Variants in LRCH2 observed in about 807,000 individuals in gnomAD.
LRCH2 encodes leucine rich repeats and calponin homology domain containing 2.
A neutral mutation model predicts 68.9 loss-of-function variants in LRCH2; 38 were observed. The observed-to-expected ratio is 0.55, with a 90% CI of 0.43 to 0.72. The LOEUF (loss-of-function observed/expected upper bound fraction) is 0.72. LRCH2 is among the 30% of genes least tolerant of loss of function. The pLI is 0.00. For missense variants in LRCH2, 528 were observed against 572.9 expected, an observed-to-expected ratio of 0.92 and a Z score of 0.80; for synonymous variants, 191 against 208.1, an observed-to-expected ratio of 0.92 and a Z score of 0.71.
intron 20 of LRCH2, among the ~76,000 whole-genome samples, chrX:115,117,415 A>G (rs2072092111): frequency 9.0e-6 from 1 of 111,709 alleles, no homozygotes; most frequent in Non-Finnish European, 1.9e-5. Context: ...GCACTTCCAT[A>G]TGTTCCAGTT....
intron 1 of LRCH2, among the ~76,000 whole-genome samples, chrX:115,219,741 T>C (rs1022628713): frequency 7.2e-5 from 8 of 111,834 alleles, no homozygotes; most frequent in Admixed American, 2.8e-4. Context: ...AAAATGAAAA[T>C]AGGAGATAAT....
intron 1 of LRCH2, among the ~76,000 whole-genome samples, chrX:115,220,494 C>T (rs1359476914): frequency 9.0e-6 from 1 of 111,691 alleles, no homozygotes; most frequent in South Asian, 3.8e-4. Flanking sequence ...TGATAAACTT[C>T]GTAACTGAAA....
At chrX:115,221,896 T>C (rs1569517901) in intron 1 of LRCH2, among the ~76,000 whole-genome samples, 3 of 89,573 alleles carry the variant, frequency 3.3e-5, no homozygotes, top group Non-Finnish European at 6.7e-5. Context: ...AAAGAATCAA[T>C]AGGAGTTCAC....
At chrX:115,225,747 A>G (rs976819633) in intron 1 of LRCH2, among the ~76,000 whole-genome samples, 1 of 112,025 alleles carries the variant, frequency 8.9e-6, no homozygotes, top group South Asian at 3.7e-4. Flanking sequence ...TATTTTTTAA[A>G]AAAGGACAAC....
intron 12 of LRCH2, among the ~76,000 whole-genome samples, chrX:115,155,834 G>A (rs1327209805): frequency 9.0e-6 from 1 of 111,672 alleles, no homozygotes; most frequent in Non-Finnish European, 1.9e-5. Context: ...TGGTGCCAGT[G>A]GGGGAATGTA....
At chrX:115,216,203 G>C (rs1347911284) in intron 1 of LRCH2, among the ~76,000 whole-genome samples, 2 of 111,523 alleles carry the variant, frequency 1.8e-5, no homozygotes, top group Non-Finnish European at 3.8e-5. Flanking sequence ...AATAACTAGA[G>C]TATTTAAAAT....
chrX:115,145,767 T>C (rs143597501), intron 14 of LRCH2, among the ~76,000 whole-genome samples: 1 of 111,524 alleles, frequency 9.0e-6, no homozygotes, highest in African/African-American at 3.3e-5. Context: ...TAAAGTGGCT[T>C]ATATCCAAAA....
Position 115,179,554 on chromosome X carries a change from T to C in LRCH2, c.737A>G (p.Asp246Gly). Residue 246 changes from aspartate (D) to glycine (G), a missense_variant, in exon 5 of 21, where the codon GAC (aspartate) becomes GGC (glycine). Transcript: ENST00000317135. ...GAAATCCAGCTTGACTAAGGGAAGG[T>C]CTCCTAATTCTGGTCAGAAATGAAA... ...NLHVLPDELG[D>G]LPLVKLDFSC... 1 of 1,122,669 alleles carries C rather than the reference T, an allele frequency of 8.9e-7. No individual in the cohort carries two copies. Among genetic ancestry groups the C allele is most frequent in the Non-Finnish European group, 1.2e-6 (1 of 855,177 alleles). 92.5% of individuals were successfully genotyped at this position (1,122,669 alleles called of 1,213,427 possible).
intron 1 of LRCH2, chrX:115,191,586 G>A (rs1246110565): frequency 1.0e-5 from 11 of 1,072,864 alleles, no homozygotes; most frequent in African/African-American, 4.0e-5. Context: ...GAGGCCACTC[G>A]CTTGATGCCA....
chrX:115,190,282 C>G, intron 1 of LRCH2: 1 of 1,152,308 alleles, frequency 8.7e-7, no homozygotes, highest in South Asian at 2.0e-5. Context: ...CGACGGCAAC[C>G]AAAATGGCTA....
chrX:115,164,623 C>T (rs2147387731), intron 10 of LRCH2, among the ~76,000 whole-genome samples: 1 of 111,584 alleles, frequency 9.0e-6, no homozygotes, highest in African/African-American at 3.2e-5. Context: ...AAGAGAGCTA[C>T]TTTCACACTC....
chrX:115,195,828 C>T (rs1194766266), intron 1 of LRCH2, among the ~76,000 whole-genome samples: 3 of 111,652 alleles, frequency 2.7e-5, no homozygotes, highest in Non-Finnish European at 5.6e-5. Context: ...CACCCAAATC[C>T]TGAATCTGAT....
intron 1 of LRCH2, among the ~76,000 whole-genome samples, chrX:115,232,321 T>A (rs2147374845): frequency 9.0e-6 from 1 of 111,241 alleles, no homozygotes; most frequent in Non-Finnish European, 1.9e-5. Context: ...GAAACTGTTT[T>A]ACTTGAAGCC....
chrX:115,149,994 A>C, intron 13 of LRCH2, 28 bp downstream of exon 13: 1 of 1,154,115 alleles, frequency 8.7e-7, no homozygotes, highest in Non-Finnish European at 1.2e-6. Context: ...AAAATGATAG[A>C]TATAATTGTA....
At chrX:115,173,708 C>T in intron 5 of LRCH2, among the ~76,000 whole-genome samples, 1 of 111,429 alleles carries the variant, frequency 9.0e-6, no homozygotes, top group Non-Finnish European at 1.9e-5. Context: ...ATACAGTTGA[C>T]CCTTGAACAA....
chrX:115,112,526 A>T lies in LRCH2; in HGVS notation c.*690T>A, dbSNP rs1478401370. The T allele has an allele frequency of 2.7e-5, 3 of 111,649 alleles. No individual in the cohort carries two copies. The East Asian group carries it at 8.5e-4, about 32-fold the overall frequency. The allele number at this position is 111,649 out of a possible 1,213,427, so 9.2% of individuals were successfully genotyped here. On this transcript the variant is annotated 3_prime_UTR_variant, in exon 21 of 21. Transcript: ENST00000317135. ...TCATTTAAATCCTCACATATTACTG[A>T]CTTTACAAAATCTACTAAAATATTT...
At chrX:115,192,624 G>A (rs1556561611) in intron 1 of LRCH2, 1 of 1,170,159 alleles carries the variant, frequency 8.5e-7, no homozygotes, top group South Asian at 1.9e-5. Context: ...TCGAGAGGGG[G>A]GAAGGCCGGA....
At chrX:115,158,682 C>G (rs1340888411) in intron 11 of LRCH2, among the ~76,000 whole-genome samples, 1 of 111,620 alleles carries the variant, frequency 9.0e-6, no homozygotes, top group African/African-American at 3.3e-5. Flanking sequence ...CACCTAAAAG[C>G]AAATAAAATA....
chrX:115,123,223 CA>C, intron 17 of LRCH2, 31 bp from the exon 18 acceptor site: 1 of 1,098,542 alleles, frequency 9.1e-7, no homozygotes, highest in Non-Finnish European at 1.2e-6. Flanking sequence ...TAACTTGTTA[CA>C]AAGTTAATGG....
Sources: gnomAD v4.1 joint callset for allele counts (sites outside exome capture counted in the v4.1 genomes callset) on GRCh38, gnomAD v4.1.1 for gene constraint, MANE v1.5 for transcripts, NCBI Gene and HGNC (gene_info 2026-07-23, HGNC 2026-07-21) for gene names.